Variants in MAT2B observed in about 807,000 individuals in gnomAD.
MAT2B encodes the protein methionine adenosyltransferase 2 non-catalytic beta subunit.
MAT2B carries 16 observed loss-of-function variants against 36.1 expected under a neutral mutation model. The observed-to-expected ratio is 0.44, with a 90% CI of 0.30 to 0.67. The LOEUF is 0.67. Ranked by LOEUF, MAT2B falls within the 30% of genes least tolerant of loss-of-function variation. MAT2B has a pLI of 0.09. For synonymous variants in MAT2B, 148 were observed against 136.9 expected (o/e 1.08, Z -0.57); for missense variants, 332 against 398.2 (o/e 0.83, Z 1.42).
upstream of MAT2B, among the ~76,000 whole-genome samples, chr5:163,505,102 C>A (rs981920910): frequency 2.6e-4 from 40 of 151,736 alleles, no homozygotes; most frequent in African/African-American, 8.7e-4. Flanking sequence ...TTTAAGCATC[C>A]CAGGAAGACA....
Position 163,518,565 on chromosome 5 carries a change from T to C in MAT2B, c.*202T>C, listed in dbSNP as rs1760170686. 2 of 403,516 alleles carry C rather than the reference T, an allele frequency of 5.0e-6. No homozygotes were observed. Among genetic ancestry groups the C allele is most frequent in the Non-Finnish European group, 4.3e-6 (1 of 231,290 alleles). The allele number at this position is 403,516 out of a possible 1,614,324, so 25.0% of individuals were successfully genotyped here. On this transcript the variant is annotated 3_prime_UTR_variant, in exon 7 of 7. Coordinates refer to ENST00000321757, the MANE Select transcript of MAT2B (RefSeq NM_013283.5). ...CCCTGTTTGCAGTAATTTTTCTTTT[T>C]ATCATTTTGTTTGTCCTGGCTAAAC...
chr5:163,514,375 T>C (rs1312808347), intron 4 of MAT2B, among the ~76,000 whole-genome samples: 1 of 152,258 alleles, frequency 6.6e-6, no homozygotes, highest in African/African-American at 2.4e-5. Context: ...TATTCTGTTA[T>C]ATGTATGTTG....
chr5:163,512,537 CAG>C (rs1402198701), intron 2 of MAT2B: 1 of 385,600 alleles, frequency 2.6e-6, no homozygotes, highest in African/African-American at 2.1e-5. Context: ...GGAGCAGGCT[CAG>C]AGAGGTTTTC....
chr5:163,518,827 A>C lies in MAT2B; in HGVS notation c.*464A>C, dbSNP rs1201427157. 1 of 152,692 alleles carries C rather than the reference A, an allele frequency of 6.5e-6. No homozygotes were observed. Among genetic ancestry groups the C allele is most frequent in the Non-Finnish European group, 1.5e-5 (1 of 68,114 alleles). 9.5% of individuals were successfully genotyped at this position (152,692 alleles called of 1,614,324 possible). On this transcript the variant is annotated 3_prime_UTR_variant, in exon 7 of 7. Coordinates refer to ENST00000321757, the MANE Select transcript of MAT2B (RefSeq NM_013283.5). ...TCAGATCAAAATGTTTGAAGAAAGG[A>C]ACTTTATTTTTGCAAGTTACGTACA...
chr5:163,515,371 T>C (rs1169698746), intron 4 of MAT2B, among the ~76,000 whole-genome samples: 1 of 152,216 alleles, frequency 6.6e-6, no homozygotes, highest in Non-Finnish European at 1.5e-5. Context: ...GATTCACAAA[T>C]TGTTGATGTT....
chr5:163,518,120 CAG>C, intron 6 of MAT2B, 71 bp from the exon 7 acceptor site: 3 of 1,052,442 alleles, frequency 2.9e-6, no homozygotes, highest in Non-Finnish European at 4.1e-6. Context: ...AAAAAAAGGT[CAG>C]GGGGAACAAA....
At chr5:163,505,024 CTTT>C (rs1422281212), upstream of MAT2B, among the ~76,000 whole-genome samples, 1 of 151,504 alleles carries the variant, frequency 6.6e-6, no homozygotes, top group Non-Finnish European at 1.5e-5. Flanking sequence ...CCCCCTACAA[CTTT>C]TTATTTTTAA....
upstream of MAT2B, among the ~76,000 whole-genome samples, chr5:163,504,016 C>T (rs1248341088): frequency 2.0e-5 from 3 of 152,180 alleles, no homozygotes; most frequent in Non-Finnish European, 4.4e-5. Context: ...TTCTGTTCCT[C>T]AAGACTAGGC....
At position 163,518,394 on chromosome 5, in the gene MAT2B, A is replaced by T. The variant is rs539872321; in HGVS notation, c.*31A>T. 204 of 1,513,788 alleles carry T rather than the reference A, an allele frequency of 1.3e-4. 1 individual carries two copies. The African/African-American group carries it at 1.7e-3, about 13-fold the overall frequency. 93.8% of individuals were successfully genotyped at this position (1,513,788 alleles called of 1,614,324 possible). A position where few individuals can be genotyped will look rare whatever the true frequency, so the allele number is the denominator to read the frequency against. Reference sequence around the variant, plus strand: ...TTGTGTTGGGTTCTTTTTTTTTTTTAAATGAAAAGTATAGTATGTGGCACT... The same window carrying T: ...TTGTGTTGGGTTCTTTTTTTTTTTTTAATGAAAAGTATAGTATGTGGCACT... On this transcript the variant is annotated 3_prime_UTR_variant, in exon 7 of 7. Transcript: ENST00000321757.
chr5:163,517,566 A>G lies in MAT2B; in HGVS notation c.726A>G (p.Pro242=), dbSNP rs1381441066. 6.3e-7 allele frequency: 1 copy of G among 1,590,898 alleles called. No individual in the cohort carries two copies. The highest frequency in any genetic ancestry group is 8.6e-7 in the Non-Finnish European group (1 of 1,158,830). ...TATTGTGTCATCGTTCTTAGGATCC[A>G]TCAATTAAGGGAACCTTTCACTGGT... The part of the protein sequence containing the change: ...RQLAEKRMLD[P]SIKGTFHWSG... The change falls in exon 6 of 7, where the codon CCA becomes CCG. Residue 242 remains proline, a synonymous_variant. Transcript: ENST00000321757.
At chr5:163,512,830 G>A (rs768440015) in intron 2 of MAT2B, 9 of 346,718 alleles carry the variant, frequency 2.6e-5, no homozygotes, top group Non-Finnish European at 3.9e-5. Context: ...ACAGGCATGC[G>A]CAACCACACC....
At chr5:163,513,757 T>A in intron 3 of MAT2B, 85 bp from the exon 4 acceptor site, 2 of 1,510,966 alleles carry the variant, frequency 1.3e-6, no homozygotes, top group Non-Finnish European at 1.8e-6. Context: ...TTATTTGTTT[T>A]TATATATCAT....
At chr5:163,514,935 C>T (rs766085998) in intron 4 of MAT2B, among the ~76,000 whole-genome samples, 2 of 152,176 alleles carry the variant, frequency 1.3e-5, no homozygotes, top group Admixed American at 6.6e-5. Flanking sequence ...TTATTTCACA[C>T]AGTTCTAGAG....
chr5:163,503,435 G>C (rs1026885641), upstream of MAT2B: 1 of 1,613,134 alleles, frequency 6.2e-7, no homozygotes, highest in African/African-American at 1.3e-5. Context: ...GTAAGAACTA[G>C]CAATTCAAGA....
chr5:163,514,490 A>G (rs1024140335), intron 4 of MAT2B, among the ~76,000 whole-genome samples: 2 of 152,240 alleles, frequency 1.3e-5, no homozygotes, highest in African/African-American at 2.4e-5. Context: ...GAAAAAATGT[A>G]AAATTACTAA....
intron 4 of MAT2B, among the ~76,000 whole-genome samples, chr5:163,515,632 C>T (rs1163548144): frequency 6.6e-6 from 1 of 151,264 alleles, no homozygotes; most frequent in Non-Finnish European, 1.5e-5. Context: ...ATCTAGCATC[C>T]AGTCAAAGAC....
At chr5:163,515,794 T>C (rs1760123448) in intron 4 of MAT2B, among the ~76,000 whole-genome samples, 1 of 137,150 alleles carries the variant, frequency 7.3e-6, no homozygotes, top group African/African-American at 2.8e-5. Flanking sequence ...TTTTTTTTTT[T>C]TTGAGACAGG....
intron 4 of MAT2B, 126 bp from the exon 5 acceptor site, chr5:163,516,392 T>G: frequency 1.4e-6 from 1 of 718,306 alleles, no homozygotes; most frequent in Non-Finnish European, 2.3e-6. Context: ...AGCTGTGTCA[T>G]TTTGGTATAT....
At chr5:163,505,294 C>A (rs1222691453), upstream of MAT2B, among the ~76,000 whole-genome samples, 2 of 152,044 alleles carry the variant, frequency 1.3e-5, no homozygotes, top group Non-Finnish European at 2.9e-5. Flanking sequence ...TCATGCACTG[C>A]GCAGTCTGCA....
Sources: gnomAD v4.1 joint callset for allele counts (sites outside exome capture counted in the v4.1 genomes callset) on GRCh38, gnomAD v4.1.1 for gene constraint, MANE v1.5 for transcripts, NCBI Gene and HGNC (gene_info 2026-07-23, HGNC 2026-07-21) for gene names.